The following NDUFA7 variants were observed in gnomAD, a reference collection of about 807,000 sequenced individuals.
NDUFA7 encodes the protein NADH dehydrogenase [ubiquinone] 1 alpha subcomplex subunit 7.
A neutral mutation model predicts 14.2 loss-of-function variants in NDUFA7; 18 were observed. The observed-to-expected ratio is 1.27, with a 90% CI of 0.88 to 1.88. The LOEUF (loss-of-function observed/expected upper bound fraction) is 1.88, where lower values mean the gene tolerates loss of function less well. Among genes scored for constraint, NDUFA7 ranks in the 40% most tolerant of loss-of-function variants. The pLI is 0.00. For synonymous variants in NDUFA7, 75 were observed against 62.1 expected (o/e 1.21, Z -0.98); for missense variants, 172 against 147.3 (o/e 1.17, Z -0.87).
chr19:8,320,819 C>A (rs774045153), intron 2 of NDUFA7, 38 bp downstream of exon 2: 3 of 1,613,052 alleles, frequency 1.9e-6, no homozygotes, highest in Non-Finnish European at 2.5e-6. Context: ...GGAGAAAGGA[C>A]AGAGCCAGAG....
At chr19:8,316,398 G>A (rs1811629431) in intron 3 of NDUFA7, 98 bp downstream of exon 3, 1 of 1,512,018 alleles carries the variant, frequency 6.6e-7, no homozygotes, top group Non-Finnish European at 8.9e-7. Flanking sequence ...TGCTTACTAA[G>A]TAGGATCTTG....
chr19:8,310,797 C>A (rs1333547680), downstream of NDUFA7: 1 of 151,626 alleles, frequency 6.6e-6, no homozygotes, highest in Non-Finnish European at 1.5e-5. Context: ...CTTTGGGAGG[C>A]CAAGGCGGGC....
intron 2 of NDUFA7, among the ~76,000 whole-genome samples, chr19:8,320,096 C>T (rs1970283975): frequency 1.3e-5 from 2 of 152,272 alleles, no homozygotes; most frequent in African/African-American, 2.4e-5. Flanking sequence ...CCTCGTGATC[C>T]GCCTGCCTCA....
chr19:8,312,719 T>C (rs1970192231), intron 3 of NDUFA7, among the ~76,000 whole-genome samples: 1 of 152,170 alleles, frequency 6.6e-6, no homozygotes, highest in South Asian at 2.1e-4. Context: ...TGGAGTGCAG[T>C]GGCGCAATCT....
Position 8,311,532 on chromosome 19 carries a change from C to CTCCCACCTCTT in NDUFA7, c.304_314dup (p.Leu106ArgfsTer48), listed in dbSNP as rs777234161. ...ACAGGTAAGGCTGGTCCGAGGACAGCTCCCACCTCTTTATGGGAGGAGCTG... is the reference window on the plus strand; with the variant it reads ...ACAGGTAAGGCTGGTCCGAGGACAGCTCCCACCTCTTTCCCACCTCTTTATGGGAGGAGCTG... On this transcript the variant is annotated frameshift_variant, in exon 4 of 4. Transcript: ENST00000301457. LOFTEE classifies it high-confidence loss of function. 2 of 1,612,530 alleles carry CTCCCACCTCTT rather than the reference C, an allele frequency of 1.2e-6. No homozygotes were observed. The highest frequency in any genetic ancestry group is 3.3e-5 in the Admixed American group (2 of 59,866).
intron 3 of NDUFA7, among the ~76,000 whole-genome samples, chr19:8,314,886 G>A (rs1056852306): frequency 3.3e-5 from 5 of 152,192 alleles, no homozygotes; most frequent in African/African-American, 1.2e-4. Flanking sequence ...CTGCACTCCA[G>A]CCTGGTGTGG....
Position 8,321,234 on chromosome 19 carries a change from T to G in NDUFA7, c.51+74A>C, listed in dbSNP as rs557133946. The G allele has an allele frequency of 2.7e-4, 382 of 1,433,728 alleles. No individual in the cohort carries two copies. The African/African-American group carries it at 4.9e-3, about 18-fold the overall frequency. The allele number at this position is 1,433,728 out of a possible 1,614,324, so 88.8% of individuals were successfully genotyped here. A position where few individuals can be genotyped will look rare whatever the true frequency, so the allele number is the denominator to read the frequency against. ...GAAGGGTCCCGGCTTAGGAGGGAGG[T>G]GAGGAGCAGGAGCGGGTCCCGGACA... On this transcript the variant is annotated intron_variant, in intron 1 of 3. Coordinates refer to ENST00000301457, the MANE Select transcript of NDUFA7 (RefSeq NM_005001.5).
chr19:8,318,661 TACA>T (rs1970263596), intron 2 of NDUFA7, among the ~76,000 whole-genome samples: 1 of 43,476 alleles, frequency 2.3e-5, no homozygotes, highest in African/African-American at 1.1e-4. Flanking sequence ...AACCCAGTCT[TACA>T]AAAAAAAAAA....
In NDUFA7 at chr19:8,311,423, G is replaced by GT; in HGVS notation, c.*81dup. 2 of 1,077,634 alleles carry GT rather than the reference G, an allele frequency of 1.9e-6. No individual in the cohort carries two copies. Among genetic ancestry groups the GT allele is most frequent in the South Asian group, 3.0e-5 (2 of 67,524 alleles). The allele number at this position is 1,077,634 out of a possible 1,614,324, so 66.8% of individuals were successfully genotyped here. A position where few individuals can be genotyped will look rare whatever the true frequency, so the allele number is the denominator to read the frequency against. On this transcript the variant is annotated 3_prime_UTR_variant, in exon 4 of 4. Transcript: ENST00000301457. The stretch of plus-strand genomic sequence containing the variant: ...ACTAGAAGTGATACCTGAGCTCTAC[G>GT]TATTTGTCATAAATTAGGTCACATT...
At chr19:8,316,439 G>A (rs1177001852) in intron 3 of NDUFA7, 57 bp downstream of exon 3, 9 of 1,596,304 alleles carry the variant, frequency 5.6e-6, no homozygotes, top group Non-Finnish European at 7.7e-6. Flanking sequence ...TTGGGAGACA[G>A]AGTGGGTTGC....
intron 3 of NDUFA7, among the ~76,000 whole-genome samples, chr19:8,312,818 C>T (rs1970193332): frequency 6.6e-6 from 1 of 152,118 alleles, no homozygotes; most frequent in South Asian, 2.1e-4. Context: ...GTGCACACCA[C>T]CACACCCGGC....
In NDUFA7 at chr19:8,316,650, G is replaced by A; in HGVS notation, c.102-5C>T. ...AGCTTGGGAGGAGGCTGAGTTCTGA[G>A]GGGAAAAAAGATGAGCACTGAAGCA... On this transcript the variant is annotated splice_polypyrimidine_tract_variant and splice_region_variant and intron_variant, in intron 2 of 3. Transcript: ENST00000301457. 1 of 1,613,720 alleles carries A rather than the reference G, an allele frequency of 6.2e-7. No individual in the cohort carries two copies. Among genetic ancestry groups the A allele is most frequent in the Non-Finnish European group, 8.5e-7 (1 of 1,179,778 alleles).
At chr19:8,310,982 C>T (rs554106830), downstream of NDUFA7, among the ~76,000 whole-genome samples, 32 of 152,198 alleles carry the variant, frequency 2.1e-4, no homozygotes, top group Non-Finnish European at 4.1e-4. Flanking sequence ...CCGTTGCGTT[C>T]CAGCCTGGGT....
chr19:8,315,436 TGAAGGTGGGACATGCG>T (rs1361518233), intron 3 of NDUFA7, among the ~76,000 whole-genome samples: 1 of 152,180 alleles, frequency 6.6e-6, no homozygotes, highest in Non-Finnish European at 1.5e-5. Context: ...GCCTTAGGCC[TGAAGGTGGGACATGCG>T]GGCAGCAATA....
At chr19:8,311,685 C>T in intron 3 of NDUFA7, 90 bp from the exon 4 acceptor site, 1 of 1,073,576 alleles carries the variant, frequency 9.3e-7, no homozygotes, top group Non-Finnish European at 1.4e-6. Context: ...ACAAACACAC[C>T]CACAGGGACT....
At chr19:8,319,176 T>C (rs980653133) in intron 2 of NDUFA7, 3 of 151,918 alleles carry the variant, frequency 2.0e-5, no homozygotes, top group African/African-American at 7.3e-5. Context: ...AATACCTAAG[T>C]GATAGGTTGA....
chr19:8,316,449 C>A, intron 3 of NDUFA7, 47 bp downstream of exon 3: 1 of 1,601,242 alleles, frequency 6.2e-7, no homozygotes, highest in Non-Finnish European at 8.5e-7. Context: ...GAGTGGGTTG[C>A]AGGAGGGGGC....
chr19:8,314,534 G>A (rs1970211898), intron 3 of NDUFA7, among the ~76,000 whole-genome samples: 1 of 152,136 alleles, frequency 6.6e-6, no homozygotes. Flanking sequence ...GGGAGGCCAA[G>A]GCAGGAGGAT....
chr19:8,321,281 T>A, intron 1 of NDUFA7, 27 bp downstream of exon 1: 1 of 1,537,432 alleles, frequency 6.5e-7, no homozygotes, highest in Non-Finnish European at 8.8e-7. Flanking sequence ...AAGCCCCCCA[T>A]GGTGCAGCCC....
Sources: allele counts gnomAD v4.1 joint callset (sites outside exome capture counted in the v4.1 genomes callset), GRCh38; gene constraint gnomAD v4.1.1; transcripts MANE v1.5; gene names NCBI Gene and HGNC (gene_info 2026-07-23, HGNC 2026-07-21).